Variants in PRRC1 observed in about 807,000 individuals in gnomAD.
PRRC1 encodes the protein proline rich coiled-coil 1, also known as protein PRRC1.
PRRC1 carries 39 observed loss-of-function variants against 40.7 expected under a neutral mutation model. That is an observed-to-expected ratio of 0.96 (90% CI 0.74 to 1.25). PRRC1 has a LOEUF of 1.25. Among genes scored for constraint, PRRC1 ranks in the 50% most tolerant of loss-of-function variants. PRRC1 has a pLI of 0.00. For missense variants in PRRC1, 573 were observed against 548.3 expected (o/e 1.05, Z -0.45); for synonymous variants, 175 against 193.3 (o/e 0.91, Z 0.79).
intron 8 of PRRC1, 66 bp from the exon 9 acceptor site, chr5:127,551,641 C>CT: frequency 6.7e-7 from 1 of 1,487,434 alleles, no homozygotes; most frequent in Non-Finnish European, 9.3e-7. Flanking sequence ...TGAAATGTCA[C>CT]TTATAGCTAG....
rs1256047679 is a variant in PRRC1 at position 127,552,690 on chromosome 5, A to G, written c.*774A>G. ...AGAAGTATTCAAATTATTTTTGTAT[A>G]ATACTGTTCAGTACTTCCAAGAATA... On this transcript the variant is annotated 3_prime_UTR_variant, in exon 9 of 9. Coordinates refer to ENST00000296666, the MANE Select transcript of PRRC1 (RefSeq NM_130809.5). 2.0e-6 allele frequency: 2 copies of G among 982,214 alleles called. No homozygotes were observed. Among genetic ancestry groups the G allele is most frequent in the Non-Finnish European group, 2.4e-6 (2 of 826,766 alleles). The allele number at this position is 982,214 out of a possible 1,614,324, so 60.8% of individuals were successfully genotyped here.
At chr5:127,546,034 C>G (rs986477176) in intron 7 of PRRC1, among the ~76,000 whole-genome samples, 1 of 152,184 alleles carries the variant, frequency 6.6e-6, no homozygotes, top group South Asian at 2.1e-4. Context: ...AAACTTGCTT[C>G]TGGCCCATTT....
At chr5:127,520,950 A>T (rs1767443055) in intron 1 of PRRC1, among the ~76,000 whole-genome samples, 1 of 149,920 alleles carries the variant, frequency 6.7e-6, no homozygotes, top group Non-Finnish European at 1.5e-5. Flanking sequence ...CTGTTTCTAC[A>T]TTTTTTTTTT....
In PRRC1 at chr5:127,552,042, T is replaced by C; in HGVS notation, c.*126T>C. Reference sequence around the variant, plus strand: ...TAGTTTTTATCATTTTCCTGTAGCCTGCAATTTTTCTTTCTCTAGAAAGGC... The same window carrying C: ...TAGTTTTTATCATTTTCCTGTAGCCCGCAATTTTTCTTTCTCTAGAAAGGC... On this transcript the variant is annotated 3_prime_UTR_variant, in exon 9 of 9. Coordinates refer to ENST00000296666, the MANE Select transcript of PRRC1 (RefSeq NM_130809.5). The C allele has an allele frequency of 6.9e-7, 1 of 1,456,008 alleles. No individual in the cohort carries two copies. Among genetic ancestry groups the C allele is most frequent in the Admixed American group, 2.7e-5 (1 of 37,722 alleles). The allele number at this position is 1,456,008 out of a possible 1,614,324, so 90.2% of individuals were successfully genotyped here.
intron 7 of PRRC1, among the ~76,000 whole-genome samples, chr5:127,543,134 C>G (rs186085667): frequency 2.0e-5 from 3 of 152,180 alleles, no homozygotes; most frequent in Admixed American, 6.5e-5. Flanking sequence ...ACTTACAAAA[C>G]TTAGTTTGGC....
chr5:127,526,158 A>G (rs1046551920), intron 3 of PRRC1, among the ~76,000 whole-genome samples: 1 of 152,166 alleles, frequency 6.6e-6, no homozygotes, highest in Non-Finnish European at 1.5e-5. Context: ...TTCCCTGTCT[A>G]CCTTTACAAA....
chr5:127,531,898 A>G (rs1272897495), intron 5 of PRRC1, among the ~76,000 whole-genome samples: 3 of 152,060 alleles, frequency 2.0e-5, no homozygotes, highest in East Asian at 3.8e-4. Context: ...CTAGTAAATG[A>G]TAAAGGTAGA....
At chr5:127,544,815 C>G (rs917202981) in intron 7 of PRRC1, among the ~76,000 whole-genome samples, 2 of 152,218 alleles carry the variant, frequency 1.3e-5, no homozygotes, top group Non-Finnish European at 2.9e-5. Flanking sequence ...AGGGAACTCC[C>G]TGACCCCTTG....
At chr5:127,543,801 C>T (rs920911432) in intron 7 of PRRC1, among the ~76,000 whole-genome samples, 1 of 152,116 alleles carries the variant, frequency 6.6e-6, no homozygotes, top group African/African-American at 2.4e-5. Flanking sequence ...TTTTCAACTT[C>T]TTTGCCTTTG....
chr5:127,532,755 ATATT>A (rs1467661919), intron 5 of PRRC1, among the ~76,000 whole-genome samples: 3 of 152,164 alleles, frequency 2.0e-5, no homozygotes, highest in Admixed American at 1.3e-4. Context: ...GTTCCACATG[ATATT>A]TATTAGGGAA....
chr5:127,519,276 G>T (rs1306414771), intron 1 of PRRC1, among the ~76,000 whole-genome samples: 1 of 152,208 alleles, frequency 6.6e-6, no homozygotes, highest in East Asian at 1.9e-4. Context: ...TACCTTCGAT[G>T]TATAGGTACT....
chr5:127,519,857 T>A (rs1185290881), intron 1 of PRRC1, among the ~76,000 whole-genome samples: 2 of 152,168 alleles, frequency 1.3e-5, no homozygotes, highest in Non-Finnish European at 2.9e-5. Flanking sequence ...ATTTTATGAT[T>A]TCCCCCATCC....
chr5:127,523,605 T>C, intron 2 of PRRC1, 23 bp downstream of exon 2: 1 of 1,452,088 alleles, frequency 6.9e-7, no homozygotes, highest in Non-Finnish European at 9.5e-7. Context: ...GTCTAACATC[T>C]CGTGTGTTTT....
At chr5:127,542,511 G>A (rs1768077267) in intron 7 of PRRC1, among the ~76,000 whole-genome samples, 1 of 151,600 alleles carries the variant, frequency 6.6e-6, no homozygotes, top group Admixed American at 6.6e-5. Flanking sequence ...GGGAGTCTAA[G>A]TCTCTTTGTA....
At position 127,528,668 on chromosome 5, in the gene PRRC1, C is replaced by T. The variant is rs143118977; in HGVS notation, c.655-1626C>T. On this transcript the variant is annotated intron_variant, in intron 4 of 8. Transcript: ENST00000296666. ...TGCTAAAAAAGACCTTTTCTCACTA[C>T]GATACTGTGATAAATGTTCTTCTGT... Among the ~76,000 whole-genome samples, 1,028 of 152,128 alleles carry T rather than the reference C, an allele frequency of 6.8e-3. 5 individuals carry two copies. The highest frequency in any genetic ancestry group is 0.024 in the African/African-American group (991 of 41,494).
intron 5 of PRRC1, 118 bp downstream of exon 5, chr5:127,530,514 A>C (rs1025978003): frequency 4.4e-5 from 23 of 524,070 alleles, no homozygotes; most frequent in African/African-American, 5.9e-5. Flanking sequence ...GGAAATTCTT[A>C]TTATATTCTT....
rs1389417597 is a variant in PRRC1, at chr5:127,553,890, C to T, written c.*1974C>T. Reference sequence around the variant, plus strand: ...CTGCCCCTGGTGACCTGGTAAGCCTCCTGCTCGGAACCGTGTGAGTGGGTG... The same window carrying T: ...CTGCCCCTGGTGACCTGGTAAGCCTTCTGCTCGGAACCGTGTGAGTGGGTG... On this transcript the variant is annotated 3_prime_UTR_variant, in exon 9 of 9. Coordinates refer to ENST00000296666, the MANE Select transcript of PRRC1 (RefSeq NM_130809.5). 5 of 1,535,494 alleles carry T rather than the reference C, an allele frequency of 3.3e-6. No individual in the cohort carries two copies. Among genetic ancestry groups the T allele is most frequent in the Non-Finnish European group, 8.7e-7 (1 of 1,146,560 alleles).
At position 127,553,894 on chromosome 5, in the gene PRRC1, C is replaced by T; in HGVS notation, c.*1978C>T. ...CCCTGGTGACCTGGTAAGCCTCCTG[C>T]TCGGAACCGTGTGAGTGGGTGAGGA... On this transcript the variant is annotated 3_prime_UTR_variant, in exon 9 of 9. Transcript: ENST00000296666. The T allele has an allele frequency of 6.5e-7, 1 of 1,535,566 alleles. No homozygotes were observed. The highest frequency in any genetic ancestry group is 1.2e-5 in the South Asian group (1 of 84,052).
Position 127,531,617 on chromosome 5 carries a change from C to CTTCTTTTTTTTTTTTTTTTTTTTT in PRRC1, c.757+1223_757+1224insCTTTTTTTTTTTTTTTTTTTTTTT, listed in dbSNP as rs1268819647. Among the ~76,000 whole-genome samples the CTTCTTTTTTTTTTTTTTTTTTTTT allele has an allele frequency of 1.2e-4, 12 of 99,648 alleles. 1 individual carries two copies. The highest frequency in any genetic ancestry group is 5.6e-4 in the African/African-American group (12 of 21,564). The allele number at this position is 99,648 out of a possible 152,430, so 65.4% of individuals were successfully genotyped here. ...GCCAGGTGTTTTTATTCTTCTTCTTCTTTTTTTTTTTTTTTTTTTTTTTGA... is the reference window on the plus strand; with the variant it reads ...GCCAGGTGTTTTTATTCTTCTTCTTCTTCTTTTTTTTTTTTTTTTTTTTTTTTTTTTTTTTTTTTTTTTTTTTGA... On this transcript the variant is annotated intron_variant, in intron 5 of 8. Coordinates refer to ENST00000296666, the MANE Select transcript of PRRC1 (RefSeq NM_130809.5).
Sources: allele counts gnomAD v4.1 joint callset (sites outside exome capture counted in the v4.1 genomes callset), GRCh38; gene constraint gnomAD v4.1.1; transcripts MANE v1.5; gene names NCBI Gene and HGNC (gene_info 2026-07-23, HGNC 2026-07-21).